The following MALRD1 variants were observed in gnomAD, a reference collection of about 807,000 sequenced individuals.
MALRD1 encodes the protein MAM and LDL-receptor class A domain-containing protein 1.
A neutral mutation model predicts 242.1 loss-of-function variants in MALRD1; 247 were observed. That is an observed-to-expected ratio of 1.02 (90% CI 0.92 to 1.13). MALRD1 has a LOEUF of 1.13. Among genes scored for constraint, MALRD1 ranks in the 50% most tolerant of loss-of-function variants. The probability of loss-of-function intolerance (pLI) is 0.00; values close to 1 mark genes in which losing one functional copy is unlikely to be tolerated. For synonymous variants in MALRD1, 995 were observed against 866.6 expected (o/e 1.15, Z -2.60); for missense variants, 2,989 against 2,533.1 (o/e 1.18, Z -3.86).
intron 36 of MALRD1, among the ~76,000 whole-genome samples, chr10:19,646,114 A>G (rs1054859461): frequency 6.6e-6 from 1 of 152,076 alleles, no homozygotes; most frequent in African/African-American, 2.4e-5. Context: ...AAAACATGAG[A>G]CTGTTTCTTC....
intron 19 of MALRD1, among the ~76,000 whole-genome samples, chr10:19,271,410 A>G (rs747858498): frequency 6.6e-6 from 1 of 152,262 alleles, no homozygotes; most frequent in African/African-American, 2.4e-5. Context: ...AAACCCAAAT[A>G]CCATTTTATT....
chr10:19,261,457 A>C (rs1288038739), intron 19 of MALRD1, among the ~76,000 whole-genome samples: 1 of 152,008 alleles, frequency 6.6e-6, no homozygotes, highest in Non-Finnish European at 1.5e-5. Context: ...AAAAAAAAAA[A>C]AAAATGTTAC....
At chr10:19,350,271 C>CTTTTTTTT (rs202204577) in intron 25 of MALRD1, among the ~76,000 whole-genome samples, 114 of 118,430 alleles carry the variant, frequency 9.6e-4, no homozygotes, top group Middle Eastern at 5.1e-3. Context: ...TTCTTTTTTT[C>CTTTTTTTT]TTTTTTTTTT....
At chr10:19,182,551 C>G (rs567925775) in intron 14 of MALRD1, among the ~76,000 whole-genome samples, 2 of 151,752 alleles carry the variant, frequency 1.3e-5, no homozygotes, top group Admixed American at 6.6e-5. Context: ...AGGATGGTCT[C>G]GATCTCCTGA....
intron 10 of MALRD1, among the ~76,000 whole-genome samples, chr10:19,141,610 A>T (rs910981965): frequency 1.6e-4 from 24 of 150,886 alleles, no homozygotes; most frequent in African/African-American, 4.8e-4. Flanking sequence ...ATATAGGAAA[A>T]ATATATATAT....
intron 32 of MALRD1, among the ~76,000 whole-genome samples, chr10:19,551,529 T>C (rs1280188946): frequency 1.3e-5 from 2 of 152,284 alleles, no homozygotes; most frequent in East Asian, 3.9e-4. Context: ...TTTCTAGATA[T>C]AGGATCATGT....
chr10:19,417,968 C>T (rs1274093581), intron 28 of MALRD1, among the ~76,000 whole-genome samples: 2 of 151,926 alleles, frequency 1.3e-5, no homozygotes, highest in South Asian at 4.1e-4. Context: ...AACAGCAAAC[C>T]ACACATACAC....
intron 2 of MALRD1, 26 bp downstream of exon 2, chr10:19,066,885 C>A (rs923571871): frequency 1.6e-6 from 2 of 1,230,314 alleles, no homozygotes; most frequent in Non-Finnish European, 2.0e-6. Flanking sequence ...TTATTTTCTC[C>A]CCTCTCTCCC....
At chr10:19,730,629 T>C in intron 38 of MALRD1, 77 bp from the exon 39 acceptor site, 1 of 1,405,566 alleles carries the variant, frequency 7.1e-7, no homozygotes, top group South Asian at 1.2e-5. Flanking sequence ...CAAAAGTTTC[T>C]AACAAACAAT....
intron 26 of MALRD1, among the ~76,000 whole-genome samples, chr10:19,360,258 T>C (rs4319408): frequency 6.6e-6 from 1 of 152,042 alleles, no homozygotes; most frequent in East Asian, 1.9e-4. Context: ...TGAAACTTCA[T>C]ATCTCTGAAT....
chr10:19,099,782 G>C (rs1443548256), intron 4 of MALRD1, among the ~76,000 whole-genome samples: 1 of 136,468 alleles, frequency 7.3e-6, no homozygotes, highest in African/African-American at 2.7e-5. Context: ...AATTTTTTTT[G>C]CCAGATGGAA....
intron 18 of MALRD1, among the ~76,000 whole-genome samples, chr10:19,216,013 C>T (rs1203326519): frequency 1.3e-5 from 2 of 151,664 alleles, no homozygotes; most frequent in Non-Finnish European, 2.9e-5. Flanking sequence ...AAGACCTTTC[C>T]TTGTCAGTGA....
intron 31 of MALRD1, among the ~76,000 whole-genome samples, chr10:19,518,251 A>G (rs1312931473): frequency 6.6e-6 from 1 of 152,234 alleles, no homozygotes; most frequent in Non-Finnish European, 1.5e-5. Flanking sequence ...TCAAAGAGAC[A>G]ACCTCAGACT....
chr10:19,172,778 C>A (rs1043273901), intron 13 of MALRD1, among the ~76,000 whole-genome samples: 1 of 151,670 alleles, frequency 6.6e-6, no homozygotes, highest in Non-Finnish European at 1.5e-5. Context: ...GACATCAATG[C>A]AAGATGTATT....
At chr10:19,543,544 G>C (rs535975003) in intron 32 of MALRD1, among the ~76,000 whole-genome samples, 4 of 146,622 alleles carry the variant, frequency 2.7e-5, no homozygotes, top group Non-Finnish European at 4.5e-5. Flanking sequence ...AAAGTGCTGA[G>C]ATTACAGGTC....
intron 31 of MALRD1, among the ~76,000 whole-genome samples, chr10:19,499,415 G>T (rs937972334): frequency 1.3e-4 from 19 of 150,142 alleles, no homozygotes; most frequent in African/African-American, 4.2e-4. Context: ...TCATAATGTG[G>T]CCTCCTCCAA....
At chr10:19,455,262 C>T (rs921106492) in intron 29 of MALRD1, among the ~76,000 whole-genome samples, 2 of 152,154 alleles carry the variant, frequency 1.3e-5, no homozygotes, top group African/African-American at 4.8e-5. Flanking sequence ...AAAGGGTTAT[C>T]GTATCATTGT....
intron 33 of MALRD1, among the ~76,000 whole-genome samples, chr10:19,578,983 T>G (rs960744308): frequency 2.6e-5 from 4 of 152,180 alleles, no homozygotes; most frequent in African/African-American, 9.7e-5. Flanking sequence ...TTTAGTTGTT[T>G]CTATTAGGAA....
intron 1 of MALRD1, among the ~76,000 whole-genome samples, chr10:19,053,824 A>C (rs949670279): frequency 2.0e-5 from 3 of 152,162 alleles, no homozygotes; most frequent in Non-Finnish European, 4.4e-5. Flanking sequence ...CATTAAAAAA[A>C]AGAAAATAAG....
Sources: gnomAD v4.1 joint callset for allele counts (sites outside exome capture counted in the v4.1 genomes callset) on GRCh38, gnomAD v4.1.1 for gene constraint, MANE v1.5 for transcripts, NCBI Gene and HGNC (gene_info 2026-07-23, HGNC 2026-07-21) for gene names.